Variants in ZNF536 observed in about 807,000 individuals in gnomAD.
ZNF536 encodes zinc finger protein 536.
Under a neutral mutation model 84.5 loss-of-function variants are expected in ZNF536, and 13 were observed. That is an observed-to-expected ratio of 0.15 (90% confidence interval 0.10 to 0.24). The LOEUF (loss-of-function observed/expected upper bound fraction) is 0.24, where lower values mean the gene tolerates loss of function less well. ZNF536 is among the 10% of genes least tolerant of loss of function. ZNF536 has a pLI of 1.00. For synonymous variants in ZNF536, 811 were observed against 742.5 expected (o/e 1.09, Z -1.50); for missense variants, 1,536 against 1,747.5 (o/e 0.88, Z 2.16).
chr19:30,260,859 C>A (rs565101402), intron 1 of ZNF536, among the ~76,000 whole-genome samples: 8 of 152,346 alleles, frequency 5.3e-5, no homozygotes, highest in African/African-American at 1.9e-4. Context: ...GAGACAAAGA[C>A]CTTCATGCTT....
chr19:30,303,513 T>C (rs1354164527), intron 2 of ZNF536, among the ~76,000 whole-genome samples: 2 of 151,984 alleles, frequency 1.3e-5, no homozygotes, highest in Non-Finnish European at 2.9e-5. Flanking sequence ...ACACTTTTTT[T>C]TTTTTTTGAG....
intron 1 of ZNF536, among the ~76,000 whole-genome samples, chr19:30,235,325 T>C (rs190669545): frequency 2.3e-4 from 35 of 152,352 alleles, no homozygotes; most frequent in African/African-American, 7.7e-4. Context: ...TTGTTTGCAC[T>C]CCTGCCTCCC....
chr19:30,655,527 C>T (rs938211095), intron 1 of ZNF536, among the ~76,000 whole-genome samples: 11 of 151,990 alleles, frequency 7.2e-5, no homozygotes, highest in African/African-American at 1.7e-4. Context: ...AGGAGTTTGC[C>T]GTCAACTCAG....
At chr19:30,507,877 C>CT (rs1423173103) in intron 2 of ZNF536, among the ~76,000 whole-genome samples, 1 of 152,058 alleles carries the variant, frequency 6.6e-6, no homozygotes, top group East Asian at 1.9e-4. Flanking sequence ...ATTGCCCATG[C>CT]TTTTTTCTTT....
chr19:30,446,248 CA>C (rs1177505634), intron 2 of ZNF536, among the ~76,000 whole-genome samples: 195 of 29,156 alleles, frequency 6.7e-3, no homozygotes, highest in East Asian at 0.016. Context: ...GACACTGTCT[CA>C]AAAAAAAAAA....
chr19:30,688,575 A>G (rs1355721737), intron 1 of ZNF536, among the ~76,000 whole-genome samples: 1 of 152,222 alleles, frequency 6.6e-6, no homozygotes, highest in Non-Finnish European at 1.5e-5. Context: ...TCCGCGATAC[A>G]CATTTATCTG....
At chr19:30,414,951 A>G (rs1364054220) in intron 1 of ZNF536, among the ~76,000 whole-genome samples, 1 of 152,196 alleles carries the variant, frequency 6.6e-6, no homozygotes, top group Non-Finnish European at 1.5e-5. Flanking sequence ...CAGTGTTGTC[A>G]TTGAGAAGTC....
At chr19:30,327,991 T>C (rs2047092654) in intron 2 of ZNF536, among the ~76,000 whole-genome samples, 1 of 152,206 alleles carries the variant, frequency 6.6e-6, no homozygotes, top group South Asian at 2.1e-4. Flanking sequence ...TGTGCCCGTT[T>C]CCTCTTCTCT....
intron 1 of ZNF536, among the ~76,000 whole-genome samples, chr19:30,229,595 A>C (rs918186034): frequency 2.6e-5 from 4 of 151,984 alleles, no homozygotes; most frequent in Non-Finnish European, 5.9e-5. Context: ...CTTTCAGTCC[A>C]GGGAGTCGCA....
intron 2 of ZNF536, among the ~76,000 whole-genome samples, chr19:30,326,791 CT>C (rs869076590): frequency 8.3e-4 from 43 of 51,952 alleles, no homozygotes; most frequent in Non-Finnish European, 8.5e-4. Flanking sequence ...TTATAAAAAG[CT>C]TTTTTTTTTT....
intron 1 of ZNF536, among the ~76,000 whole-genome samples, chr19:30,431,401 A>C (rs1236913264): frequency 6.6e-6 from 1 of 152,118 alleles, no homozygotes; most frequent in South Asian, 2.1e-4. Context: ...GCAGCAGGGG[A>C]CCCGATGGAG....
At chr19:30,666,707 A>T (rs973342134) in intron 1 of ZNF536, among the ~76,000 whole-genome samples, 1 of 147,632 alleles carries the variant, frequency 6.8e-6, no homozygotes, top group African/African-American at 2.6e-5. Flanking sequence ...GGGACCCAGA[A>T]ATACCTTTTA....
chr19:30,421,422 C>T (rs192653246), intron 1 of ZNF536, among the ~76,000 whole-genome samples: 123 of 152,250 alleles, frequency 8.1e-4, no homozygotes, highest in Middle Eastern at 3.4e-3. Context: ...GGGTCTCACT[C>T]TGTCACTCAG....
chr19:30,421,053 C>T (rs918688648), intron 1 of ZNF536, among the ~76,000 whole-genome samples: 3 of 152,118 alleles, frequency 2.0e-5, no homozygotes, highest in African/African-American at 7.2e-5. Context: ...GGATCTGTTA[C>T]CAGCTGTCCC....
chr19:30,285,147 T>G (rs893284111), intron 2 of ZNF536, among the ~76,000 whole-genome samples: 2 of 152,270 alleles, frequency 1.3e-5, no homozygotes, highest in African/African-American at 2.4e-5. Context: ...TTATATTACC[T>G]TAGTAAAACA....
intron 1 of ZNF536, among the ~76,000 whole-genome samples, chr19:30,673,379 C>T (rs561181128): frequency 3.3e-4 from 51 of 152,296 alleles, no homozygotes; most frequent in African/African-American, 1.2e-3. Flanking sequence ...CAAATCTCTG[C>T]TCTCCTCTCC....
At chr19:30,515,184 C>A (rs1186925509) in intron 2 of ZNF536, among the ~76,000 whole-genome samples, 1 of 152,102 alleles carries the variant, frequency 6.6e-6, no homozygotes, top group Non-Finnish European at 1.5e-5. Flanking sequence ...ATCACTTGAG[C>A]CCAGGAGTTC....
chr19:30,273,508 A>C (rs1023806187), intron 1 of ZNF536, among the ~76,000 whole-genome samples: 2 of 152,160 alleles, frequency 1.3e-5, no homozygotes, highest in Non-Finnish European at 1.5e-5. Flanking sequence ...GTATCTTTTC[A>C]TATGCTTATT....
chr19:30,413,649 C>G (rs2050588995), intron 1 of ZNF536, among the ~76,000 whole-genome samples: 2 of 152,060 alleles, frequency 1.3e-5, no homozygotes, highest in Admixed American at 1.3e-4. Context: ...GCATGATAAC[C>G]TTTTCCATGA....
Sources: allele counts gnomAD v4.1 joint callset (sites outside exome capture counted in the v4.1 genomes callset), GRCh38; gene constraint gnomAD v4.1.1; transcripts MANE v1.5; gene names NCBI Gene and HGNC (gene_info 2026-07-23, HGNC 2026-07-21).